Variants in PRKN observed in about 807,000 individuals in gnomAD.
PRKN encodes the protein parkin RBR E3 ubiquitin protein ligase, also known as E3 ubiquitin-protein ligase parkin.
A neutral mutation model predicts 59.5 loss-of-function variants in PRKN; 56 were observed. The observed-to-expected ratio is 0.94, with a 90% CI of 0.76 to 1.18. The LOEUF (loss-of-function observed/expected upper bound fraction) is 1.18, where lower values mean the gene tolerates loss of function less well. Among genes scored for constraint, PRKN ranks in the 50% most tolerant of loss-of-function variants. The pLI, the probability that PRKN is intolerant of heterozygous loss-of-function variation, is 0.00. For synonymous variants in PRKN, 250 were observed against 222.1 expected (o/e 1.13, Z -1.12); for missense variants, 657 against 596.4 (o/e 1.10, Z -1.06).
intron 6 of PRKN, among the ~76,000 whole-genome samples, chr6:161,813,227 G>C (rs140309707): frequency 1.3e-5 from 2 of 152,248 alleles, no homozygotes; most frequent in African/African-American, 4.8e-5. Context: ...CAGTGGAAAG[G>C]ATATGAACTT....
chr6:162,262,723 T>C lies in PRKN; in HGVS notation c.214A>G (p.Arg72Gly). Residue 72 changes from arginine to glycine, a missense_variant, in exon 3 of 12, where the codon AGA becomes GGA. Transcript: ENST00000366898. ...DQQSIVHIVQ[R>G]PWRKGQEMNA... ...ATTTCTTGACCTTTTCTCCACGGTC[T>C]CTGCACAATGTGAACAATGCTCTGC... is the stretch of plus-strand genomic sequence containing the variant. 6.2e-7 allele frequency: 1 copy of C among 1,610,574 alleles called. No individual in the cohort carries two copies. Among genetic ancestry groups the C allele is most frequent in the East Asian group, 2.2e-5 (1 of 44,778 alleles).
At chr6:161,830,725 C>T (rs544730550) in intron 6 of PRKN, among the ~76,000 whole-genome samples, 2 of 152,126 alleles carry the variant, frequency 1.3e-5, no homozygotes, top group Admixed American at 1.3e-4. Flanking sequence ...CTACATCAAG[C>T]TAATTTAGCT....
intron 2 of PRKN, among the ~76,000 whole-genome samples, chr6:162,316,051 G>A (rs371345827): frequency 6.6e-6 from 1 of 152,178 alleles, no homozygotes; most frequent in Admixed American, 6.6e-5. Flanking sequence ...GGCCCTGGAA[G>A]GGCATGGGTC....
chr6:161,415,740 G>A (rs1056956119), intron 9 of PRKN, among the ~76,000 whole-genome samples: 8 of 151,678 alleles, frequency 5.3e-5, no homozygotes, highest in Non-Finnish European at 7.4e-5. Flanking sequence ...AGTCAGAGCA[G>A]GACTTCAGAT....
intron 7 of PRKN, among the ~76,000 whole-genome samples, chr6:161,784,335 G>A (rs554096285): frequency 2.0e-4 from 30 of 152,302 alleles, no homozygotes; most frequent in Non-Finnish European, 2.9e-4. Flanking sequence ...ACCAAAGGAC[G>A]TTATGAAGAA....
At chr6:162,574,028 C>T (rs749783532) in intron 1 of PRKN, among the ~76,000 whole-genome samples, 1 of 152,158 alleles carries the variant, frequency 6.6e-6, no homozygotes, top group Admixed American at 6.5e-5. Flanking sequence ...CAGAACTGTG[C>T]TGAGGACGAT....
chr6:161,814,826 C>T (rs538419312), intron 6 of PRKN, among the ~76,000 whole-genome samples: 28 of 152,122 alleles, frequency 1.8e-4, no homozygotes, highest in Non-Finnish European at 2.9e-4. Context: ...ATAGAACTAT[C>T]AGGTCTCATG....
chr6:162,049,121 C>T (rs1344022258), intron 5 of PRKN, among the ~76,000 whole-genome samples: 1 of 152,134 alleles, frequency 6.6e-6, no homozygotes, highest in African/African-American at 2.4e-5. Flanking sequence ...CTCTTAAAAA[C>T]CAAGGGTAAA....
At chr6:161,625,004 T>C (rs1454502765) in intron 7 of PRKN, among the ~76,000 whole-genome samples, 1 of 152,238 alleles carries the variant, frequency 6.6e-6, no homozygotes, top group Non-Finnish European at 1.5e-5. Flanking sequence ...TTTCTTAGAA[T>C]ACATTATGCC....
intron 7 of PRKN, among the ~76,000 whole-genome samples, chr6:161,784,972 T>A (rs1790355121): frequency 6.6e-6 from 1 of 152,126 alleles, no homozygotes; most frequent in Admixed American, 6.5e-5. Flanking sequence ...TGAATAAACC[T>A]CAAATACACT....
chr6:161,954,199 C>T (rs1015278239), intron 6 of PRKN, among the ~76,000 whole-genome samples: 1 of 152,144 alleles, frequency 6.6e-6, no homozygotes, highest in African/African-American at 2.4e-5. Context: ...TATAATACAT[C>T]GAAGCGAAGC....
chr6:161,480,235 C>G lies in PRKN; in HGVS notation c.1083+68619G>C, dbSNP rs186410813. On this transcript the variant is annotated intron_variant, in intron 9 of 11. Coordinates refer to ENST00000366898, the MANE Select transcript of PRKN (RefSeq NM_004562.3). The surrounding 1 kb of genome is among the most constrained non-coding windows in gnomAD (Gnocchi z 4.1). ...CCAGTGCAAAACAAAGACACAGAGC[C>G]CCTTCTTCAAAAATGATTTAGCATT... Among the ~76,000 whole-genome samples the G allele has an allele frequency of 1.4e-3, 207 of 152,240 alleles. 2 individuals are homozygous for G. Among genetic ancestry groups the G allele is most frequent in the African/African-American group, 4.8e-3 (198 of 41,548 alleles).
At chr6:161,981,154 C>T (rs1004424978) in intron 5 of PRKN, among the ~76,000 whole-genome samples, 1 of 152,128 alleles carries the variant, frequency 6.6e-6, no homozygotes, top group Non-Finnish European at 1.5e-5. Context: ...GACAGACAGC[C>T]TGTCACTTCA....
At chr6:162,700,148 C>T (rs775464544) in intron 1 of PRKN, among the ~76,000 whole-genome samples, 2 of 152,142 alleles carry the variant, frequency 1.3e-5, no homozygotes, top group African/African-American at 4.8e-5. Flanking sequence ...ATCTGGACCT[C>T]GTTGGGTTAT....
chr6:161,923,382 C>T (rs116304704), intron 6 of PRKN, among the ~76,000 whole-genome samples: 225 of 152,248 alleles, frequency 1.5e-3, no homozygotes, highest in African/African-American at 5.2e-3. Flanking sequence ...ACCAGGGAGG[C>T]TGAGGTGGAA....
At chr6:161,891,703 G>GCATACT in intron 6 of PRKN, among the ~76,000 whole-genome samples, 2 of 152,320 alleles carry the variant, frequency 1.3e-5, no homozygotes, top group Middle Eastern at 6.8e-3. Flanking sequence ...CAGGGGGTAA[G>GCATACT]ACAAATACAT....
chr6:162,084,069 G>A (rs1303300133), intron 4 of PRKN, among the ~76,000 whole-genome samples: 1 of 152,002 alleles, frequency 6.6e-6, no homozygotes, highest in African/African-American at 2.4e-5. Context: ...TAATTATAAT[G>A]TTGATTTAGT....
rs117183221 is a variant in PRKN at position 161,436,982 on chromosome 6, C to T, written c.1084-50105G>A. On this transcript the variant is annotated intron_variant, in intron 9 of 11. Coordinates refer to ENST00000366898, the MANE Select transcript of PRKN (RefSeq NM_004562.3). ...ATAACAACTAGGATGCTTCTGTTAC[C>T]ATCACAGTCACCCCCATTATCCAAG... Among the ~76,000 whole-genome samples the T allele has an allele frequency of 7.9e-3, 1,205 of 152,172 alleles. 13 individuals are homozygous for T. The highest frequency in any genetic ancestry group is 0.061 in the East Asian group (314 of 5,172).
chr6:161,874,613 TATA>T (rs1255050776), intron 6 of PRKN, among the ~76,000 whole-genome samples: 4 of 101,738 alleles, frequency 3.9e-5, no homozygotes, highest in East Asian at 2.9e-4. Flanking sequence ...ATATATTACA[TATA>T]ATATGTGTAA....
Sources: gnomAD v4.1 joint callset for allele counts (sites outside exome capture counted in the v4.1 genomes callset) on GRCh38, gnomAD v4.1.1 for gene constraint, Gnocchi (gnomAD v3.1) non-coding constraint, MANE v1.5 for transcripts, NCBI Gene and HGNC (gene_info 2026-07-23, HGNC 2026-07-21) for gene names.